Variants in KRT40 observed in about 807,000 individuals in gnomAD.
KRT40 encodes the protein keratin 40, also known as keratin, type I cytoskeletal 40.
In KRT40, 47 loss-of-function variants were observed where a neutral mutation model predicts 43.5. The observed-to-expected ratio is 1.08, with a 90% CI of 0.86 to 1.38. The LOEUF (loss-of-function observed/expected upper bound fraction) is 1.38, where lower values mean the gene tolerates loss of function less well. Ranked by LOEUF, KRT40 falls within the 40% of genes most tolerant of loss-of-function variation. KRT40 has a pLI of 0.00. For missense variants in KRT40, 573 were observed against 523.6 expected (o/e 1.09, Z -0.92); for synonymous variants, 212 against 214.0 (o/e 0.99, Z 0.08).
At chr17:40,978,460 C>T (rs76924352) in intron 6 of KRT40, among the ~76,000 whole-genome samples, 164 bp from the exon 7 acceptor site, 1 of 152,194 alleles carries the variant, frequency 6.6e-6, no homozygotes, top group East Asian at 1.9e-4. Flanking sequence ...AGAATTGCCA[C>T]TTCATGTTCA....
chr17:40,980,735 A>C (rs1172732625), intron 5 of KRT40, 50 bp downstream of exon 5: 1 of 1,532,344 alleles, frequency 6.5e-7, no homozygotes, highest in Admixed American at 2.2e-5. Flanking sequence ...TTAACATCTC[A>C]GGGCCTGACT....
In KRT40 at chr17:40,980,293, GCA is replaced by G. The variant is rs202204581; in HGVS notation, c.975+490_975+491del. Among the ~76,000 whole-genome samples, 851 of 152,306 alleles carry G rather than the reference GCA, an allele frequency of 5.6e-3. 3 individuals carry two copies. Among genetic ancestry groups the G allele is most frequent in the African/African-American group, 0.02 (821 of 41,568 alleles). On this transcript the variant is annotated intron_variant, in intron 5 of 6. Transcript: ENST00000377755. ...TGTTCTCCGCAGGGCCTAATGACAT[GCA>G]CACAGTGGTGCTTGACCAGAACTGG...
rs1912270967 is a variant in KRT40, at chr17:40,983,064, G to A, written c.512C>T (p.Thr171Ile). The A allele has an allele frequency of 7.0e-7, 1 of 1,418,576 alleles. No homozygotes were observed. The highest frequency in any genetic ancestry group is 9.9e-7 in the Non-Finnish European group (1 of 1,008,110). 87.9% of individuals were successfully genotyped at this position (1,418,576 alleles called of 1,614,324 possible). A position where few individuals can be genotyped will look rare whatever the true frequency, so the allele number is the denominator to read the frequency against. The change falls in exon 2 of 7, where the codon ACT becomes ATT. Residue 171 changes from threonine to isoleucine, a missense_variant. Coordinates refer to ENST00000377755, the MANE Select transcript of KRT40 (RefSeq NM_001389244.1). ...AACTTACTTTGACTTAAAGTCATCA[G>A]TGGCCAGTTTGCAGTTGTCAAGCTG... is the stretch of plus-strand genomic sequence containing the variant. The part of the protein sequence containing the change: ...AVQLDNCKLA[T>I]DDFKSKYESE...
chr17:40,981,262 T>A, intron 3 of KRT40, 111 bp from the exon 4 acceptor site: 1 of 1,582,364 alleles, frequency 6.3e-7, no homozygotes. Flanking sequence ...AGTGTGAGAT[T>A]TTGATTCAGA....
chr17:40,981,393 A>G, intron 3 of KRT40: 1 of 723,562 alleles, frequency 1.4e-6, no homozygotes, highest in South Asian at 1.5e-5. Context: ...GAGTCAATCT[A>G]CACATAATTA....
Position 40,983,943 on chromosome 17 carries a change from C to A in KRT40, c.331G>T (p.Glu111Ter). 6.2e-7 allele frequency: 1 copy of A among 1,614,124 alleles called. No individual in the cohort carries two copies. The highest frequency in any genetic ancestry group is 1.7e-5 in the Admixed American group (1 of 60,008). Residue 111 changes from glutamate (E) to a stop codon, truncating the protein, a stop_gained, in exon 1 of 7, where the codon GAG (glutamate) becomes TAG (stop). Transcript: ENST00000377755. LOFTEE classifies it high-confidence loss of function. ...GATTCCAGCTCTGCGTTGGTCTCCT[C>A]CAGGCTGCGCACCTTCTCCAGATAG... The part of the protein sequence containing the change: ...ASYLEKVRSL[E>*]ETNAELESRI...
rs948948005 is a variant in KRT40 at position 40,981,100 on chromosome 17, C to T, written c.739G>A (p.Asp247Asn). The T allele has an allele frequency of 7.4e-6, 12 of 1,614,190 alleles. No homozygotes were observed. Among genetic ancestry groups the T allele is most frequent in the Non-Finnish European group, 1.0e-5 (12 of 1,180,028 alleles). The change falls in exon 4 of 7, where the codon GAC (aspartate) becomes AAC (asparagine). Residue 247 changes from aspartate to asparagine, a missense_variant. By Grantham distance (23) the Asp-to-Asn change is conservative (BLOSUM62 1). Coordinates refer to ENST00000377755, the MANE Select transcript of KRT40 (RefSeq NM_001389244.1). ...QLGDRLSVEL[D>N]TAPTLDLNRV... is the part of the protein sequence containing the mutation. Reference sequence around the variant, plus strand: ...TTGAGGTCAAGGGTGGGGGCAGTGTCCAGCTCCACACTGAGGCGGTCGCCA... The same window carrying T: ...TTGAGGTCAAGGGTGGGGGCAGTGTTCAGCTCCACACTGAGGCGGTCGCCA...
In KRT40 at chr17:40,982,633, T is replaced by G. The variant is rs1259039548; in HGVS notation, c.531-170A>C. 2.0e-5 allele frequency among the ~76,000 whole-genome samples: 3 copies of G among 148,270 alleles called. No homozygotes were observed. The East Asian group carries it at 5.8e-4, about 29-fold the overall frequency. On this transcript the variant is annotated intron_variant, in intron 2 of 6. Transcript: ENST00000377755. ...TAAAACATTCTTAACTTTAAAATATTATATAGAGAATATTTGTGTGTGTGT... is the reference window on the plus strand; with the variant it reads ...TAAAACATTCTTAACTTTAAAATATGATATAGAGAATATTTGTGTGTGTGT...
upstream of KRT40, among the ~76,000 whole-genome samples, chr17:40,984,761 T>C (rs1188162603): frequency 1.3e-5 from 2 of 152,150 alleles, no homozygotes; most frequent in Non-Finnish European, 2.9e-5. Flanking sequence ...GCCACCACCA[T>C]AAAAATGGTC....
chr17:40,982,316 G>T lies in KRT40; in HGVS notation c.678C>A (p.Asn226Lys). 1 of 1,577,896 alleles carries T rather than the reference G, an allele frequency of 6.3e-7. No homozygotes were observed. Among genetic ancestry groups the T allele is most frequent in the Non-Finnish European group, 8.6e-7 (1 of 1,165,830 alleles). Residue 226 changes from asparagine to lysine, a missense_variant, in exon 3 of 7, where the codon AAC becomes AAA. Transcript: ENST00000377755. ...LKEDLLCLKK[N>K]HEEEVNLLRE... ...TTGCCACTTTCCTTACCTCTTCATG[G>T]TTTTTCTTAAGGCAAAGGAGATCTT...
intron 4 of KRT40, 39 bp from the exon 5 acceptor site, chr17:40,980,949 G>A: frequency 6.2e-7 from 1 of 1,614,152 alleles, no homozygotes; most frequent in Non-Finnish European, 8.5e-7. Flanking sequence ...AAAAAAGGCA[G>A]AAGTCTGTAA....
At chr17:40,983,705 A>T (rs8081413) in intron 1 of KRT40, 122 bp downstream of exon 1, 2 of 926,396 alleles carry the variant, frequency 2.2e-6, no homozygotes, top group Non-Finnish European at 3.3e-6. Flanking sequence ...TCCCCTATGT[A>T]TCACTAACTC....
chr17:40,979,487 G>A (rs1475782677), intron 5 of KRT40, among the ~76,000 whole-genome samples: 1 of 142,138 alleles, frequency 7.0e-6, no homozygotes, highest in Non-Finnish European at 1.5e-5. Context: ...GGGCGACAGA[G>A]GGAGACTCCG....
intron 1 of KRT40, among the ~76,000 whole-genome samples, chr17:40,983,335 G>A (rs150741692): frequency 0.017 from 2,577 of 152,164 alleles, 70 homozygotes; most frequent in African/African-American, 0.06. Context: ...AAATAAAAAG[G>A]TTTAGTTTTT....
rs766377949 is a variant in KRT40 at position 40,980,864 on chromosome 17, T to A, written c.896A>T (p.Gln299Leu). 1 of 1,613,708 alleles carries A rather than the reference T, an allele frequency of 6.2e-7. No homozygotes were observed. The highest frequency in any genetic ancestry group is 1.1e-5 in the South Asian group (1 of 91,050). ...TTCCAAGATCTCCATCTGGCAGCCCTGCAGCTGCTCCGCGCTGGACAGTTG... is the reference window on the plus strand; with the variant it reads ...TTCCAAGATCTCCATCTGGCAGCCCAGCAGCTGCTCCGCGCTGGACAGTTG... ...QQQLSSAEQL[Q>L]GCQMEILELK... Residue 299 changes from glutamine to leucine, a missense_variant, in exon 5 of 7, where the codon CAG becomes CTG. Transcript: ENST00000377755.
intron 3 of KRT40, among the ~76,000 whole-genome samples, chr17:40,982,082 T>C (rs1284016415): frequency 6.6e-6 from 1 of 151,964 alleles, no homozygotes; most frequent in African/African-American, 2.4e-5. Context: ...TTTCATCATA[T>C]TGGTCAGGCT....
At chr17:40,984,372 G>A, upstream of KRT40, 1 of 825,024 alleles carries the variant, frequency 1.2e-6, no homozygotes, top group Non-Finnish European at 1.9e-6. Flanking sequence ...CAAAATGGGT[G>A]TTTACAGACT....
intron 6 of KRT40, 109 bp from the exon 7 acceptor site, chr17:40,978,405 C>T (rs542395742): frequency 9.2e-6 from 8 of 873,554 alleles, no homozygotes; most frequent in South Asian, 7.2e-5. Flanking sequence ...CTGAAAAAAA[C>T]TCTGCACAAT....
chr17:40,985,677 G>T (rs1912438907), upstream of KRT40, among the ~76,000 whole-genome samples: 1 of 152,152 alleles, frequency 6.6e-6, no homozygotes, highest in African/African-American at 2.4e-5. Context: ...GCAGAGCTGG[G>T]TTTGAATTTA....
Sources: gnomAD v4.1 joint callset for allele counts (sites outside exome capture counted in the v4.1 genomes callset) on GRCh38, gnomAD v4.1.1 for gene constraint, MANE v1.5 for transcripts, NCBI Gene and HGNC (gene_info 2026-07-23, HGNC 2026-07-21) for gene names.